Variants in RASAL2 observed in about 807,000 individuals in gnomAD.
RASAL2 encodes RAS protein activator like 2.
A neutral mutation model predicts 128.9 loss-of-function variants in RASAL2; 58 were observed. The observed-to-expected ratio is 0.45, with a 90% confidence interval of 0.36 to 0.56. The LOEUF is 0.56. RASAL2 is among the 20% of genes least tolerant of loss of function. The pLI is 0.00. For missense variants in RASAL2, 1,360 were observed against 1,601.6 expected (o/e 0.85, Z 2.57); for synonymous variants, 561 against 580.8 (o/e 0.97, Z 0.49).
intron 1 of RASAL2, among the ~76,000 whole-genome samples, chr1:178,270,812 G>T (rs895319981): frequency 6.6e-6 from 1 of 152,010 alleles, no homozygotes. Flanking sequence ...GCTGTTTGTC[G>T]GGGGAACCCT....
rs11326122 is a variant in RASAL2 at position 178,295,467 on chromosome 1, G to GT, written c.331-4513dup. On this transcript the variant is annotated intron_variant, in intron 2 of 17. Coordinates refer to ENST00000367649, the MANE Select transcript of RASAL2 (RefSeq NM_170692.4). ...CCGTTTATGAGTGAGAACAGCATTG[G>GT]TTTTTTTTTTTTAAAGCTCCCATAG... Among the ~76,000 whole-genome samples, 268 of 146,456 alleles carry GT rather than the reference G, an allele frequency of 1.8e-3. 1 individual carries two copies. The highest frequency in any genetic ancestry group is 4.7e-3 in the African/African-American group (189 of 40,392).
In RASAL2 at chr1:178,141,193, C is replaced by CTTTTTTTTTTTTTTT. The variant is rs71297900; in HGVS notation, c.202+46510_202+46524dup. On this transcript the variant is annotated intron_variant, in intron 1 of 17. Transcript: ENST00000367649. ...CTGGAGACCACTTTTCTTTTCTTTT[C>CTTTTTTTTTTTTTTT]TTTTTTTTTTTTTTTTTTTTTTTTT... Among the ~76,000 whole-genome samples the CTTTTTTTTTTTTTTT allele has an allele frequency of 2.4e-3, 179 of 73,916 alleles. 5 individuals are homozygous for CTTTTTTTTTTTTTTT. Among genetic ancestry groups the CTTTTTTTTTTTTTTT allele is most frequent in the African/African-American group, 5.5e-3 (104 of 18,776 alleles). 48.5% of individuals were successfully genotyped at this position (73,916 alleles called of 152,430 possible). A position where few individuals can be genotyped will look rare whatever the true frequency, so the allele number is the denominator to read the frequency against.
rs538404980 is a variant in RASAL2 at position 178,454,078 on chromosome 1, A to G, written c.2010-369A>G. Among the ~76,000 whole-genome samples, 9 of 152,136 alleles carry G rather than the reference A, an allele frequency of 5.9e-5. No individual in the cohort carries two copies. The East Asian group carries it at 7.7e-4, about 13-fold the overall frequency. ...GCATGGGCAAAAGCTTGGAGAAGAA[A>G]AAAATGTGTAATATATTTGGGAGAC... is the stretch of plus-strand genomic sequence containing the variant. On this transcript the variant is annotated intron_variant, in intron 11 of 17. Coordinates refer to ENST00000367649, the MANE Select transcript of RASAL2 (RefSeq NM_170692.4).
intron 1 of RASAL2, among the ~76,000 whole-genome samples, chr1:178,118,650 G>A (rs998673770): frequency 6.6e-6 from 1 of 152,180 alleles, no homozygotes; most frequent in Non-Finnish European, 1.5e-5. Context: ...GCTGGGAGAA[G>A]GAAGGCCCTG....
chr1:178,145,015 C>T (rs556548826), intron 1 of RASAL2, among the ~76,000 whole-genome samples: 92 of 152,190 alleles, frequency 6.0e-4, no homozygotes, highest in African/African-American at 2.1e-3. Flanking sequence ...AGTTCTGGGC[C>T]ATTGATTTTG....
intron 1 of RASAL2, chr1:178,123,763 C>G (rs536905117): frequency 7.2e-5 from 11 of 152,538 alleles, no homozygotes; most frequent in African/African-American, 2.4e-4. Flanking sequence ...GCCTCAACCT[C>G]CTGGGCTCAA....
chr1:178,187,661 GT>G (rs1662352417), intron 1 of RASAL2, among the ~76,000 whole-genome samples: 1 of 152,118 alleles, frequency 6.6e-6, no homozygotes, highest in South Asian at 2.1e-4. Context: ...TTTGATTTTT[GT>G]TGTCTTTCTT....
In RASAL2 at chr1:178,452,719, AT is replaced by A. The variant is rs1677469103; in HGVS notation, c.2009+68del. 46 of 1,367,550 alleles carry A rather than the reference AT, an allele frequency of 3.4e-5. No homozygotes were observed. In the South Asian group the frequency reaches 4.8e-4, roughly 14 times the overall value. 84.7% of individuals were successfully genotyped at this position (1,367,550 alleles called of 1,614,324 possible). ...AAAATACTTGAGGCCTAAAATTTGG[AT>A]GAGGGTTGGGAGCCTCATCACTCAT... On this transcript the variant is annotated intron_variant, in intron 11 of 17. Coordinates refer to ENST00000367649, the MANE Select transcript of RASAL2 (RefSeq NM_170692.4).
At chr1:178,309,372 T>C (rs934421522) in intron 3 of RASAL2, among the ~76,000 whole-genome samples, 3 of 152,144 alleles carry the variant, frequency 2.0e-5, no homozygotes, top group African/African-American at 7.2e-5. Context: ...TCCACATTAA[T>C]AGATGGCAGT....
chr1:178,292,218 T>C (rs747619599), intron 2 of RASAL2, among the ~76,000 whole-genome samples: 2 of 152,132 alleles, frequency 1.3e-5, no homozygotes, highest in Non-Finnish European at 2.9e-5. Flanking sequence ...TGTTAAAAAA[T>C]TAATTAAAAG....
chr1:178,376,561 A>G (rs1671997866), intron 3 of RASAL2, among the ~76,000 whole-genome samples: 1 of 152,168 alleles, frequency 6.6e-6, no homozygotes, highest in African/African-American at 2.4e-5. Flanking sequence ...AAACTCATAC[A>G]GGAACCAAAT....
At chr1:178,189,117 A>G (rs867099256) in intron 1 of RASAL2, among the ~76,000 whole-genome samples, 1 of 152,326 alleles carries the variant, frequency 6.6e-6, no homozygotes, top group Non-Finnish European at 1.5e-5. Flanking sequence ...ACCATGAGTT[A>G]CTACATGAAT....
chr1:178,472,521 C>G (rs1648369034), intron 17 of RASAL2, among the ~76,000 whole-genome samples: 1 of 152,146 alleles, frequency 6.6e-6, no homozygotes, highest in African/African-American at 2.4e-5. Context: ...TTTTTCCCCT[C>G]TTGCTGTTGC....
chr1:178,265,494 A>G (rs1010026948), intron 1 of RASAL2, among the ~76,000 whole-genome samples: 5 of 152,316 alleles, frequency 3.3e-5, no homozygotes, highest in South Asian at 2.1e-4. Flanking sequence ...AGCACTCAGT[A>G]TGCATTATCT....
chr1:178,379,388 A>G (rs749062748), intron 3 of RASAL2, among the ~76,000 whole-genome samples: 3 of 149,980 alleles, frequency 2.0e-5, no homozygotes, highest in Non-Finnish European at 4.4e-5. Flanking sequence ...AGAGAGAGAG[A>G]CAGAGAGAAA....
At chr1:178,168,398 A>G (rs1007111539) in intron 1 of RASAL2, among the ~76,000 whole-genome samples, 1 of 151,988 alleles carries the variant, frequency 6.6e-6, no homozygotes, top group Non-Finnish European at 1.5e-5. Context: ...TATTACTACT[A>G]TAAATCTTTT....
chr1:178,239,068 A>T (rs184090573), intron 1 of RASAL2, among the ~76,000 whole-genome samples: 40 of 152,162 alleles, frequency 2.6e-4, no homozygotes, highest in Admixed American at 5.2e-4. Flanking sequence ...TCTTAAAAAA[A>T]TTTTGCCTCT....
rs572376809 is a variant in RASAL2 at position 178,128,237 on chromosome 1, AT to A, written c.202+33547del. ...GATTCATAGAAAAAAATGCTTATGC[AT>A]TTTGTGAACAAATGAAGTGCCTATC... On this transcript the variant is annotated intron_variant, in intron 1 of 17. Coordinates refer to ENST00000367649, the MANE Select transcript of RASAL2 (RefSeq NM_170692.4). Among the ~76,000 whole-genome samples the A allele has an allele frequency of 1.9e-3, 294 of 152,280 alleles. 4 individuals carry two copies. Among genetic ancestry groups the A allele is most frequent in the Non-Finnish European group, 2.3e-3 (157 of 67,978 alleles).
chr1:178,217,113 T>A (rs945208888), intron 1 of RASAL2, among the ~76,000 whole-genome samples: 1 of 151,946 alleles, frequency 6.6e-6, no homozygotes, highest in Non-Finnish European at 1.5e-5. Flanking sequence ...GTAGCTGGGA[T>A]TATAGGCACG....
Sources: gnomAD v4.1 joint callset for allele counts (sites outside exome capture counted in the v4.1 genomes callset) on GRCh38, gnomAD v4.1.1 for gene constraint, MANE v1.5 for transcripts, NCBI Gene and HGNC (gene_info 2026-07-23, HGNC 2026-07-21) for gene names.